The following RIPOR3 variants were observed in gnomAD, a reference collection of about 807,000 sequenced individuals.
RIPOR3 encodes the protein family with sequence similarity 65 member C.
In RIPOR3, 95 loss-of-function variants were observed where a neutral mutation model predicts 114.3. That is an observed-to-expected ratio of 0.83 (90% confidence interval 0.70 to 0.99). The LOEUF (loss-of-function observed/expected upper bound fraction) is 0.99, where lower values mean the gene tolerates loss of function less well. Ranked by LOEUF, RIPOR3 falls within the 50% of genes least tolerant of loss-of-function variation. The pLI is 0.00. For synonymous variants in RIPOR3, 575 were observed against 543.8 expected (o/e 1.06, Z -0.80); for missense variants, 1,252 against 1,266.9 (o/e 0.99, Z 0.18).
In RIPOR3 at chr20:50,627,702, G is replaced by C. The variant is rs1250604686; in HGVS notation, c.122+3036C>G. ...TCTCAAAAAAAAAAAAATTTTGGGA[G>C]GCTGGGGTGGGAGGATCATTTGAAC... is the stretch of plus-strand genomic sequence containing the variant. On this transcript the variant is annotated intron_variant, in intron 2 of 21. Coordinates refer to ENST00000327979, the MANE Select transcript of RIPOR3 (RefSeq NM_001290268.2). Among the ~76,000 whole-genome samples the C allele has an allele frequency of 4.6e-5, 7 of 152,220 alleles. 1 individual carries two copies. In the South Asian group the frequency reaches 6.2e-4, roughly 14 times the overall value.
chr20:50,641,356 A>T (rs1023380267), intron 1 of RIPOR3, among the ~76,000 whole-genome samples: 9 of 152,132 alleles, frequency 5.9e-5, no homozygotes, highest in African/African-American at 1.9e-4. Flanking sequence ...CTGGGACTAC[A>T]GGTATGTGCC....
At chr20:50,679,626 G>A (rs182162305) in intron 1 of RIPOR3, among the ~76,000 whole-genome samples, 1,840 of 143,032 alleles carry the variant, frequency 0.013, 16 homozygotes, top group Non-Finnish European at 0.02. Context: ...AAAATTAGCC[G>A]GGCGTGGTGG....
At chr20:50,638,637 G>C (rs1176176078) in intron 1 of RIPOR3, among the ~76,000 whole-genome samples, 1 of 152,168 alleles carries the variant, frequency 6.6e-6, no homozygotes, top group Non-Finnish European at 1.5e-5. Context: ...AGGTGGGAAG[G>C]CAGCTGGGGC....
At chr20:50,685,109 G>A (rs867472638) in intron 1 of RIPOR3, among the ~76,000 whole-genome samples, 7 of 152,154 alleles carry the variant, frequency 4.6e-5, no homozygotes, top group Middle Eastern at 3.4e-3. Flanking sequence ...GAAAGTGGGA[G>A]AGGCTGGGCT....
At chr20:50,609,006 C>A in intron 8 of RIPOR3, 51 bp from the exon 9 acceptor site, 3 of 1,554,096 alleles carry the variant, frequency 1.9e-6, no homozygotes, top group Non-Finnish European at 2.6e-6. Flanking sequence ...TCTCCCTGAC[C>A]TGGGACCACA....
intron 1 of RIPOR3, among the ~76,000 whole-genome samples, chr20:50,656,794 G>A (rs188145633): frequency 1.3e-5 from 2 of 152,276 alleles, no homozygotes; most frequent in Admixed American, 1.3e-4. Context: ...TACCGTGCCC[G>A]GCCAACTCAC....
intron 1 of RIPOR3, among the ~76,000 whole-genome samples, chr20:50,673,871 G>C (rs570246504): frequency 1.3e-5 from 2 of 152,268 alleles, no homozygotes; most frequent in South Asian, 2.1e-4. Context: ...GCATTATCTT[G>C]ATGATGAATA....
At chr20:50,605,492 G>A (rs1424076470) in intron 11 of RIPOR3, among the ~76,000 whole-genome samples, 2 of 152,154 alleles carry the variant, frequency 1.3e-5, no homozygotes, top group African/African-American at 4.8e-5. Flanking sequence ...AAATGGGCTG[G>A]GTGCTGTGGC....
At chr20:50,642,070 T>G (rs1370263275) in intron 1 of RIPOR3, among the ~76,000 whole-genome samples, 1 of 152,192 alleles carries the variant, frequency 6.6e-6, no homozygotes, top group Non-Finnish European at 1.5e-5. Context: ...AGGCTCCTCC[T>G]GCTCCCACTT....
chr20:50,606,421 A>G (rs756125036), intron 11 of RIPOR3, among the ~76,000 whole-genome samples: 1 of 151,728 alleles, frequency 6.6e-6, no homozygotes, highest in South Asian at 2.1e-4. Context: ...AAAAGGAAAA[A>G]CCCCGTCTCC....
intron 1 of RIPOR3, among the ~76,000 whole-genome samples, chr20:50,665,025 C>T (rs1337068601): frequency 6.6e-6 from 1 of 152,130 alleles, no homozygotes; most frequent in Admixed American, 6.6e-5. Flanking sequence ...TCACTTGAAC[C>T]CAGGAGGCAG....
At chr20:50,629,473 G>A (rs545669102) in intron 2 of RIPOR3, among the ~76,000 whole-genome samples, 1 of 152,136 alleles carries the variant, frequency 6.6e-6, no homozygotes, top group Non-Finnish European at 1.5e-5. Context: ...TGAGCTCATC[G>A]GGCTGTGGCC....
intron 1 of RIPOR3, among the ~76,000 whole-genome samples, chr20:50,637,176 T>C (rs901597996): frequency 6.6e-6 from 1 of 152,120 alleles, no homozygotes; most frequent in East Asian, 1.9e-4. Flanking sequence ...ATTTTACCGA[T>C]GTCAAGACTA....
In RIPOR3 at chr20:50,676,627, G is replaced by A. The variant is rs537873432; in HGVS notation, c.3+14499C>T. On this transcript the variant is annotated intron_variant, in intron 1 of 21. Transcript: ENST00000327979. The stretch of plus-strand genomic sequence containing the variant: ...TGATCATGCCACTGTACTCCAGCTG[G>A]GGCCACAGAGCAATACTCAGTCTCA... 2.8e-4 allele frequency among the ~76,000 whole-genome samples: 42 copies of A among 151,840 alleles called. No homozygotes were observed. In the East Asian group the frequency reaches 6.6e-3, roughly 24 times the overall value.
chr20:50,606,849 C>T (rs1162330217), intron 11 of RIPOR3, among the ~76,000 whole-genome samples: 1 of 152,120 alleles, frequency 6.6e-6, no homozygotes, highest in African/African-American at 2.4e-5. Flanking sequence ...CCTGCCTCAG[C>T]CTCCCAAGTA....
intron 1 of RIPOR3, among the ~76,000 whole-genome samples, chr20:50,638,696 A>G (rs534522703): frequency 9.2e-4 from 140 of 151,886 alleles, no homozygotes; most frequent in Non-Finnish European, 3.4e-4. Flanking sequence ...ATGAAGGAAG[A>G]TAAAGATGGG....
intron 5 of RIPOR3, 62 bp from the exon 6 acceptor site, chr20:50,610,968 G>C: frequency 6.2e-7 from 1 of 1,607,352 alleles, no homozygotes; most frequent in East Asian, 2.2e-5. Context: ...TGCCCCGCTT[G>C]CCCCTGCCAC....
At chr20:50,658,704 CA>C (rs754052010) in intron 1 of RIPOR3, among the ~76,000 whole-genome samples, 295 of 141,230 alleles carry the variant, frequency 2.1e-3, no homozygotes, top group African/African-American at 6.3e-3. Flanking sequence ...GATTCTGTCT[CA>C]AAAAAAAAAA....
At chr20:50,684,519 C>T (rs2086953795) in intron 1 of RIPOR3, among the ~76,000 whole-genome samples, 1 of 152,116 alleles carries the variant, frequency 6.6e-6, no homozygotes, top group Non-Finnish European at 1.5e-5. Context: ...CAAGGTGGGA[C>T]CAGGGCTGGA....
Sources: gnomAD v4.1 joint callset for allele counts (sites outside exome capture counted in the v4.1 genomes callset) on GRCh38, gnomAD v4.1.1 for gene constraint, MANE v1.5 for transcripts, NCBI Gene and HGNC (gene_info 2026-07-23, HGNC 2026-07-21) for gene names.